Variants in TOX observed in about 807,000 individuals in gnomAD.
TOX encodes thymocyte selection-associated high mobility group box protein TOX.
Under a neutral mutation model 53.7 loss-of-function variants are expected in TOX, and 11 were observed. That is an observed-to-expected ratio of 0.20 (90% CI 0.13 to 0.34). The LOEUF is 0.34. Among genes scored for constraint, TOX ranks in the 10% least tolerant of loss-of-function variants. The pLI, the probability that TOX is intolerant of heterozygous loss-of-function variation, is 1.00. For missense variants in TOX, 570 were observed against 664.6 expected, an observed-to-expected ratio of 0.86 and a Z score of 1.56; for synonymous variants, 225 against 245.3, an observed-to-expected ratio of 0.92 and a Z score of 0.77.
At chr8:58,965,599 A>G (rs1289120619) in intron 1 of TOX, among the ~76,000 whole-genome samples, 1 of 152,186 alleles carries the variant, frequency 6.6e-6, no homozygotes, top group Non-Finnish European at 1.5e-5. Context: ...CATTAAAAGA[A>G]AATCAGAAAA....
At chr8:58,937,802 C>T (rs1424796992) in intron 3 of TOX, among the ~76,000 whole-genome samples, 1 of 152,130 alleles carries the variant, frequency 6.6e-6, no homozygotes, top group African/African-American at 2.4e-5. Flanking sequence ...CCTTCTTCTC[C>T]TCTCTAGGGA....
chr8:58,911,579 T>C (rs1358758637), intron 3 of TOX, among the ~76,000 whole-genome samples: 1 of 152,240 alleles, frequency 6.6e-6, no homozygotes, highest in Non-Finnish European at 1.5e-5. Context: ...TAGTTAGGTG[T>C]TGTTCAGAAT....
intron 1 of TOX, among the ~76,000 whole-genome samples, chr8:58,992,627 C>T (rs1285711638): frequency 6.6e-6 from 1 of 151,634 alleles, no homozygotes; most frequent in Non-Finnish European, 1.5e-5. Flanking sequence ...TCTCCTCTCA[C>T]GAAAAAAAAT....
chr8:58,896,764 G>C (rs1334262869), intron 3 of TOX, among the ~76,000 whole-genome samples: 1 of 152,178 alleles, frequency 6.6e-6, no homozygotes, highest in African/African-American at 2.4e-5. Flanking sequence ...CAGTACTTTA[G>C]TCTATCCAAG....
At chr8:58,877,577 A>G (rs1811307347) in intron 3 of TOX, among the ~76,000 whole-genome samples, 1 of 152,206 alleles carries the variant, frequency 6.6e-6, no homozygotes, top group African/African-American at 2.4e-5. Context: ...TAGTGGAATC[A>G]CAGAACTGCA....
At chr8:59,062,846 A>G (rs577079517) in intron 1 of TOX, among the ~76,000 whole-genome samples, 1 of 152,330 alleles carries the variant, frequency 6.6e-6, no homozygotes, top group East Asian at 1.9e-4. Context: ...ATTACAAAAT[A>G]AAAGGAAAAC....
At chr8:59,013,704 T>C (rs1813957558) in intron 1 of TOX, among the ~76,000 whole-genome samples, 1 of 152,204 alleles carries the variant, frequency 6.6e-6, no homozygotes, top group African/African-American at 2.4e-5. Context: ...CCAGCGCACC[T>C]GGCCATCAAA....
Position 59,065,486 on chromosome 8 carries a change from G to A in TOX, c.102+53400C>T, listed in dbSNP as rs577181857. 2.6e-5 allele frequency among the ~76,000 whole-genome samples: 4 copies of A among 152,172 alleles called. No homozygotes were observed. In the South Asian group the frequency reaches 6.2e-4, roughly 24 times the overall value. On this transcript the variant is annotated intron_variant, in intron 1 of 8. Transcript: ENST00000361421. Reference sequence around the variant, plus strand: ...AGTAACTTAGTACAAGTTTCATATCGTCTATGTTATTACTTGCATATTCGA... The same window carrying A: ...AGTAACTTAGTACAAGTTTCATATCATCTATGTTATTACTTGCATATTCGA...
chr8:59,114,272 G>T (rs902988851), intron 1 of TOX, among the ~76,000 whole-genome samples: 1 of 152,118 alleles, frequency 6.6e-6, no homozygotes, highest in East Asian at 1.9e-4. Context: ...GATAAACTGT[G>T]AGAATACTAA....
At chr8:59,113,688 T>C (rs576872420) in intron 1 of TOX, among the ~76,000 whole-genome samples, 13 of 152,044 alleles carry the variant, frequency 8.6e-5, no homozygotes, top group Non-Finnish European at 1.8e-4. Context: ...GGGAGGAGAC[T>C]AGCAAAAGCA....
intron 3 of TOX, among the ~76,000 whole-genome samples, chr8:58,854,729 T>G (rs910320595): frequency 6.6e-6 from 1 of 152,118 alleles, no homozygotes; most frequent in African/African-American, 2.4e-5. Flanking sequence ...CAAGCACAAA[T>G]GAGGGAGCAT....
intron 1 of TOX, among the ~76,000 whole-genome samples, chr8:59,026,051 A>G (rs1814231171): frequency 6.6e-6 from 1 of 152,200 alleles, no homozygotes; most frequent in African/African-American, 2.4e-5. Context: ...AAATGAGACC[A>G]AGTTTATATG....
At chr8:58,958,050 A>G (rs1444319422) in intron 2 of TOX, among the ~76,000 whole-genome samples, 1 of 152,218 alleles carries the variant, frequency 6.6e-6, no homozygotes. Context: ...AAAACAGCAC[A>G]TTCTAAAAAC....
intron 1 of TOX, among the ~76,000 whole-genome samples, chr8:58,978,132 A>AT (rs1304468110): frequency 7.9e-5 from 12 of 152,134 alleles, no homozygotes; most frequent in Non-Finnish European, 1.6e-4. Flanking sequence ...TATGAGTTTT[A>AT]TTTTTTCAAC....
chr8:59,099,891 A>G (rs1048855168), intron 1 of TOX, among the ~76,000 whole-genome samples: 1 of 152,210 alleles, frequency 6.6e-6, no homozygotes, highest in Non-Finnish European at 1.5e-5. Context: ...AAAGACCCTA[A>G]GAACTGGCTA....
At chr8:58,980,973 C>T (rs1036967514) in intron 1 of TOX, among the ~76,000 whole-genome samples, 2 of 152,194 alleles carry the variant, frequency 1.3e-5, no homozygotes, top group African/African-American at 4.8e-5. Flanking sequence ...GTTGTTATCT[C>T]TTATTTTCTA....
At chr8:59,062,635 G>A (rs1234025163) in intron 1 of TOX, among the ~76,000 whole-genome samples, 1 of 152,164 alleles carries the variant, frequency 6.6e-6, no homozygotes, top group Non-Finnish European at 1.5e-5. Context: ...AACGGGTGTC[G>A]TTCTATAGTT....
intron 1 of TOX, among the ~76,000 whole-genome samples, chr8:59,099,901 A>G (rs1340481348): frequency 6.6e-6 from 1 of 152,176 alleles, no homozygotes; most frequent in Non-Finnish European, 1.5e-5. Flanking sequence ...AGAACTGGCT[A>G]TTTTAAAAGA....
chr8:59,012,538 T>C (rs1813926111), intron 1 of TOX, among the ~76,000 whole-genome samples: 1 of 151,950 alleles, frequency 6.6e-6, no homozygotes, highest in Admixed American at 6.6e-5. Flanking sequence ...CAATTTTTTT[T>C]CTTGAAAAAA....
Sources: allele counts gnomAD v4.1 joint callset (sites outside exome capture counted in the v4.1 genomes callset), GRCh38; gene constraint gnomAD v4.1.1; transcripts MANE v1.5; gene names NCBI Gene and HGNC (gene_info 2026-07-23, HGNC 2026-07-21).